Variants in PPM1H observed in about 807,000 individuals in gnomAD.
PPM1H encodes protein phosphatase 1H.
Under a neutral mutation model 54.9 loss-of-function variants are expected in PPM1H, and 27 were observed. That is an observed-to-expected ratio of 0.49 (90% CI 0.36 to 0.68). The LOEUF (loss-of-function observed/expected upper bound fraction) is 0.68, where lower values mean the gene tolerates loss of function less well. PPM1H is among the 30% of genes least tolerant of loss of function. The pLI is 0.00. For missense variants in PPM1H, 596 were observed against 667.8 expected (o/e 0.89, Z 1.19); for synonymous variants, 305 against 270.8 (o/e 1.13, Z -1.24).
chr12:62,886,789 AT>A (rs1417478336), intron 1 of PPM1H, among the ~76,000 whole-genome samples: 1 of 152,246 alleles, frequency 6.6e-6, no homozygotes, highest in Non-Finnish European at 1.5e-5. Context: ...TAAAAACTCA[AT>A]TTATGCAGAG....
intron 1 of PPM1H, among the ~76,000 whole-genome samples, chr12:62,850,294 T>G (rs189840396): frequency 1.2e-4 from 18 of 152,276 alleles, no homozygotes; most frequent in Admixed American, 1.1e-3. Flanking sequence ...AGCTTCAAAT[T>G]CCATGGACAT....
At chr12:62,759,243 G>A (rs756377006) in intron 4 of PPM1H, among the ~76,000 whole-genome samples, 1 of 152,198 alleles carries the variant, frequency 6.6e-6, no homozygotes, top group Non-Finnish European at 1.5e-5. Flanking sequence ...TCCTTCGGGA[G>A]ACCAGTCCCC....
chr12:62,830,820 A>T (rs4763036), intron 2 of PPM1H, among the ~76,000 whole-genome samples: 14,371 of 152,234 alleles, frequency 0.094, 1,174 homozygotes, highest in African/African-American at 0.22. Flanking sequence ...ATACTTATCA[A>T]TCCCTGAGCA....
chr12:62,855,462 T>A (rs10784316), intron 1 of PPM1H, among the ~76,000 whole-genome samples: 39,917 of 152,016 alleles, frequency 0.26, 5,611 homozygotes, highest in East Asian at 0.48. Context: ...TGTCATGGAA[T>A]GAAGCCCAAG....
rs1229605367 is a variant in PPM1H, at chr12:62,644,091, AAC to A, written c.*4396_*4397del. The A allele has an allele frequency of 2.6e-5, 4 of 152,240 alleles. No individual in the cohort carries two copies. The highest frequency in any genetic ancestry group is 9.6e-5 in the African/African-American group (4 of 41,458). 9.4% of individuals were successfully genotyped at this position (152,240 alleles called of 1,614,324 possible). On this transcript the variant is annotated 3_prime_UTR_variant, in exon 10 of 10. Coordinates refer to ENST00000228705, the MANE Select transcript of PPM1H (RefSeq NM_020700.2). Reference sequence around the variant, plus strand: ...AGGGGACATTGCACCTAAGTTTCAAAACACACAAAATAGATCCCCTTTACTAA... The same window carrying A: ...AGGGGACATTGCACCTAAGTTTCAAAACACAAAATAGATCCCCTTTACTAA...
At chr12:62,705,230 A>T (rs779081796) in intron 6 of PPM1H, among the ~76,000 whole-genome samples, 1 of 152,214 alleles carries the variant, frequency 6.6e-6, no homozygotes, top group Non-Finnish European at 1.5e-5. Flanking sequence ...CATATACTAA[A>T]CTGATTTCAC....
chr12:62,855,509 C>T (rs913931051), intron 1 of PPM1H, among the ~76,000 whole-genome samples: 3 of 152,124 alleles, frequency 2.0e-5, no homozygotes, highest in East Asian at 3.9e-4. Context: ...GTGCCAAAAG[C>T]GCTAAGGTTT....
intron 9 of PPM1H, among the ~76,000 whole-genome samples, chr12:62,662,893 C>T (rs2075893059): frequency 6.6e-6 from 1 of 152,026 alleles, no homozygotes; most frequent in Non-Finnish European, 1.5e-5. Context: ...AATTTTGGGC[C>T]AATTTTCTTG....
intron 1 of PPM1H, among the ~76,000 whole-genome samples, chr12:62,918,333 G>T (rs768403398): frequency 1.1e-4 from 16 of 152,104 alleles, no homozygotes; most frequent in Non-Finnish European, 2.1e-4. Context: ...AGCCTCCCAA[G>T]GTTAAAACCT....
rs562646044 is a variant in PPM1H at position 62,887,905 on chromosome 12, C to T, written c.245+46587G>A. On this transcript the variant is annotated intron_variant, in intron 1 of 9. Transcript: ENST00000228705. ...GAGGCAAGTTTGCATGGTTAGAGAA[C>T]AGAAATGAAGCCAGGGTGACTGGAG... is the stretch of plus-strand genomic sequence containing the variant. Among the ~76,000 whole-genome samples the T allele has an allele frequency of 4.6e-5, 7 of 152,218 alleles. No individual in the cohort carries two copies. In the East Asian group the frequency reaches 1.4e-3, roughly 29 times the overall value.
intron 5 of PPM1H, among the ~76,000 whole-genome samples, chr12:62,734,031 T>G (rs2076337830): frequency 6.6e-6 from 1 of 152,032 alleles, no homozygotes; most frequent in South Asian, 2.1e-4. Flanking sequence ...TGTGGGGCCT[T>G]TGGGAAGTGA....
intron 1 of PPM1H, among the ~76,000 whole-genome samples, chr12:62,884,284 C>T (rs1025931363): frequency 2.0e-4 from 30 of 150,712 alleles, no homozygotes; most frequent in Admixed American, 1.5e-3. Flanking sequence ...GTCAAGAGTT[C>T]GAGACCAGCC....
chr12:62,769,919 T>G (rs1050459628), intron 4 of PPM1H, among the ~76,000 whole-genome samples: 1 of 152,168 alleles, frequency 6.6e-6, no homozygotes, highest in East Asian at 1.9e-4. Flanking sequence ...GGTTGGGGAA[T>G]AGTCGATTAT....
intron 5 of PPM1H, among the ~76,000 whole-genome samples, chr12:62,729,461 A>C (rs1204881564): frequency 6.6e-6 from 1 of 152,260 alleles, no homozygotes; most frequent in African/African-American, 2.4e-5. Flanking sequence ...ATGGAGTTAA[A>C]TAAAGTGAAA....
At chr12:62,904,191 C>T (rs549284849) in intron 1 of PPM1H, among the ~76,000 whole-genome samples, 6 of 151,974 alleles carry the variant, frequency 3.9e-5, no homozygotes, top group East Asian at 3.8e-4. Flanking sequence ...AATCTAGTAA[C>T]AAAAAGGCCC....
chr12:62,683,025 G>C (rs1284090936), intron 8 of PPM1H, among the ~76,000 whole-genome samples: 2 of 140,212 alleles, frequency 1.4e-5, no homozygotes, highest in Non-Finnish European at 3.1e-5. Flanking sequence ...ATTTGGGAGA[G>C]TTTATTATTT....
chr12:62,852,395 A>T (rs1446103064), intron 1 of PPM1H, among the ~76,000 whole-genome samples: 4 of 152,118 alleles, frequency 2.6e-5, no homozygotes, highest in Non-Finnish European at 5.9e-5. Flanking sequence ...GTCTATAACC[A>T]GGAAGAGGGC....
intron 4 of PPM1H, among the ~76,000 whole-genome samples, chr12:62,782,347 A>G (rs1218561140): frequency 6.6e-6 from 1 of 152,226 alleles, no homozygotes; most frequent in East Asian, 1.9e-4. Flanking sequence ...GATGCCACAG[A>G]TGTGTAATTG....
At chr12:62,679,516 C>T (rs908464974) in intron 8 of PPM1H, among the ~76,000 whole-genome samples, 3 of 152,104 alleles carry the variant, frequency 2.0e-5, no homozygotes, top group Non-Finnish European at 4.4e-5. Context: ...CAGGGGGATA[C>T]ATGTTTTGTG....
Sources: allele counts gnomAD v4.1 joint callset (sites outside exome capture counted in the v4.1 genomes callset), GRCh38; gene constraint gnomAD v4.1.1; transcripts MANE v1.5; gene names NCBI Gene and HGNC (gene_info 2026-07-23, HGNC 2026-07-21).